TOGARAM1: variants seen among roughly 807,000 people sequenced by gnomAD.
TOGARAM1 encodes TOG array regulator of axonemal microtubules 1, also known as TOG array regulator of axonemal microtubules protein 1.
In TOGARAM1, 100 loss-of-function variants were observed where a neutral mutation model predicts 166.6. The ratio of observed to expected loss-of-function variants is 0.60; its 90% CI spans 0.51 to 0.71. The LOEUF is 0.71. TOGARAM1 is among the 30% of genes least tolerant of loss of function. The pLI, the probability that TOGARAM1 is intolerant of heterozygous loss-of-function variation, is 0.00. For missense variants in TOGARAM1, 2,029 were observed against 2,102.7 expected (o/e 0.96, Z 0.69); for synonymous variants, 758 against 763.8 (o/e 0.99, Z 0.13).
At chr14:44,994,032 T>TA in intron 1 of TOGARAM1, among the ~76,000 whole-genome samples, 1 of 152,244 alleles carries the variant, frequency 6.6e-6, no homozygotes, top group Non-Finnish European at 1.5e-5. Flanking sequence ...ATCCTTTTGA[T>TA]ACTGACTACT....
intron 7 of TOGARAM1, among the ~76,000 whole-genome samples, chr14:45,014,162 C>G (rs919179516): frequency 1.3e-5 from 2 of 151,666 alleles, no homozygotes. Flanking sequence ...TTTCCTTCCT[C>G]AGCCTCCCAG....
Position 45,043,777 on chromosome 14 carries a change from G to A in TOGARAM1, c.3904G>A (p.Ala1302Thr), listed in dbSNP as rs766588191. ...CACAAAGTTGCATGAAACAAATTTT[G>A]CAGTTGTTCAAGAGGTAAACTTATT... ...LNTKLHETNF[A>T]VVQEVKNLRS... The change falls in exon 12 of 20, where the codon GCA (alanine) becomes ACA (threonine). Residue 1302 changes from alanine to threonine, a missense_variant. Around this residue, in one of 2 missense-constraint regions of TOGARAM1, gnomAD observed 576 missense variants for 670.5 expected, o/e 0.86. Coordinates refer to ENST00000361462, the MANE Select transcript of TOGARAM1 (RefSeq NM_001308120.2). The A allele has an allele frequency of 6.2e-7, 1 of 1,606,218 alleles. No homozygotes were observed. Among genetic ancestry groups the A allele is most frequent in the Non-Finnish European group, 8.5e-7 (1 of 1,172,946 alleles).
chr14:44,975,324 A>C (rs1401300243), intron 1 of TOGARAM1, among the ~76,000 whole-genome samples: 1 of 152,172 alleles, frequency 6.6e-6, no homozygotes, highest in Non-Finnish European at 1.5e-5. Flanking sequence ...GTTAGAGGGA[A>C]TAGCTATGTC....
At chr14:45,061,196 G>T (rs771256706) in intron 16 of TOGARAM1, among the ~76,000 whole-genome samples, 7 of 152,020 alleles carry the variant, frequency 4.6e-5, no homozygotes, top group Non-Finnish European at 8.8e-5. Context: ...TTATTCTGTG[G>T]GGTATAATCA....
At position 45,006,154 on chromosome 14, in the gene TOGARAM1, A is replaced by C; in HGVS notation, c.2791A>C (p.Thr931Pro). The stretch of plus-strand genomic sequence containing the variant: ...TTTGCCTGATAAAGCTGATTTAAGC[A>C]CAGTGGGACACAAAAAGAAAGAGCC... Reference protein sequence around the residue: ...SLLPDKADLSTVGHKKKEPDD... With the variant: ...SLLPDKADLSPVGHKKKEPDD... Residue 931 changes from threonine to proline, a missense_variant, in exon 5 of 20, where the codon ACA (threonine) becomes CCA (proline). This residue lies in a region of TOGARAM1 where 1,453 missense variants were observed against 1,432.2 expected (regional missense o/e 1.01). Transcript: ENST00000361462. 1 of 1,614,136 alleles carries C rather than the reference A, an allele frequency of 6.2e-7. No individual in the cohort carries two copies. The highest frequency in any genetic ancestry group is 8.5e-7 in the Non-Finnish European group (1 of 1,180,000).
intron 3 of TOGARAM1, among the ~76,000 whole-genome samples, chr14:45,003,494 A>G (rs1594643255): frequency 7.2e-6 from 1 of 139,176 alleles, no homozygotes; most frequent in Non-Finnish European, 1.5e-5. Flanking sequence ...GGCAGAACTT[A>G]CAACTTAAAT....
chr14:44,966,025 C>T (rs1885514165), intron 1 of TOGARAM1, among the ~76,000 whole-genome samples: 1 of 151,690 alleles, frequency 6.6e-6, no homozygotes, highest in Non-Finnish European at 1.5e-5. Context: ...CAGGCTCCCA[C>T]CACCACGCCC....
intron 1 of TOGARAM1, among the ~76,000 whole-genome samples, chr14:44,988,184 A>G (rs1013643138): frequency 6.6e-6 from 1 of 152,024 alleles, no homozygotes; most frequent in South Asian, 2.1e-4. Context: ...CAGCACACCA[A>G]CATGGCACAT....
chr14:45,000,317 C>T (rs369413994), intron 3 of TOGARAM1, among the ~76,000 whole-genome samples: 8 of 152,062 alleles, frequency 5.3e-5, no homozygotes, highest in Non-Finnish European at 5.9e-5. Context: ...TATTTTTGTA[C>T]GCATTAACTA....
chr14:45,030,726 C>T (rs1160078865), intron 10 of TOGARAM1, among the ~76,000 whole-genome samples: 1 of 152,058 alleles, frequency 6.6e-6, no homozygotes, highest in Non-Finnish European at 1.5e-5. Flanking sequence ...TACCTTTTTA[C>T]ATTTTTTGTT....
chr14:45,052,091 G>C (rs374651267), intron 14 of TOGARAM1, among the ~76,000 whole-genome samples: 1 of 152,166 alleles, frequency 6.6e-6, no homozygotes, highest in Admixed American at 6.6e-5. Flanking sequence ...TGGGAGCTGT[G>C]GCTCGCTGCT....
chr14:45,022,703 G>T (rs1275504054), intron 7 of TOGARAM1, among the ~76,000 whole-genome samples: 3 of 151,922 alleles, frequency 2.0e-5, no homozygotes, highest in Non-Finnish European at 4.4e-5. Context: ...TCCTGGAGGG[G>T]ATTACCCCAT....
chr14:45,002,822 C>CA (rs566699271), intron 3 of TOGARAM1, among the ~76,000 whole-genome samples: 185 of 152,008 alleles, frequency 1.2e-3, no homozygotes, highest in African/African-American at 4.2e-3. Context: ...CTAAAAATTA[C>CA]AAAAAAACTA....
At chr14:45,006,349 C>CT in intron 5 of TOGARAM1, 82 bp downstream of exon 5, 1 of 970,708 alleles carries the variant, frequency 1.0e-6, no homozygotes, top group Non-Finnish European at 1.5e-6. Context: ...AAATCAAGTT[C>CT]TTTTTATCCT....
intron 10 of TOGARAM1, among the ~76,000 whole-genome samples, 169 bp from the exon 11 acceptor site, chr14:45,032,054 C>T (rs1040771150): frequency 2.0e-5 from 3 of 151,936 alleles, no homozygotes; most frequent in East Asian, 1.9e-4. Flanking sequence ...CAGCTACTTG[C>T]GAGGTTGAGG....
intron 14 of TOGARAM1, among the ~76,000 whole-genome samples, chr14:45,049,220 G>A (rs1301192337): frequency 6.6e-6 from 1 of 151,830 alleles, no homozygotes; most frequent in Non-Finnish European, 1.5e-5. Flanking sequence ...CCCCTTCATA[G>A]GATCTTTCAG....
At chr14:44,974,298 T>C (rs1248906756) in intron 1 of TOGARAM1, among the ~76,000 whole-genome samples, 1 of 152,092 alleles carries the variant, frequency 6.6e-6, no homozygotes, top group Non-Finnish European at 1.5e-5. Flanking sequence ...AATGAGCCCA[T>C]TAAAGGCATT....
intron 17 of TOGARAM1, among the ~76,000 whole-genome samples, chr14:45,067,189 G>A (rs1297712124): frequency 6.6e-6 from 1 of 152,020 alleles, no homozygotes; most frequent in Non-Finnish European, 1.5e-5. Context: ...ACAACTCAAA[G>A]TCACTGAAAC....
intron 7 of TOGARAM1, among the ~76,000 whole-genome samples, chr14:45,023,256 A>T (rs989246922): frequency 2.6e-5 from 4 of 152,200 alleles, no homozygotes; most frequent in Non-Finnish European, 5.9e-5. Context: ...ACTTGTTGAC[A>T]GTTATGTTCT....
Sources: gnomAD v4.1 joint callset for allele counts (sites outside exome capture counted in the v4.1 genomes callset) on GRCh38, gnomAD v4.1.1 for gene constraint, gnomAD v4.1.1 regional missense constraint, MANE v1.5 for transcripts, NCBI Gene and HGNC (gene_info 2026-07-23, HGNC 2026-07-21) for gene names.